The following RAPGEF1 variants were observed in gnomAD, a reference collection of about 807,000 sequenced individuals.
The protein encoded by RAPGEF1 is CRK SH3-binding GNRP.
In RAPGEF1, 33 loss-of-function variants were observed where a neutral mutation model predicts 143.3. That is an observed-to-expected ratio of 0.23 (90% CI 0.17 to 0.31). The LOEUF (loss-of-function observed/expected upper bound fraction) is 0.31. RAPGEF1 is among the 10% of genes least tolerant of loss of function. RAPGEF1 has a pLI of 1.00. For missense variants in RAPGEF1, 1,199 were observed against 1,645.4 expected (o/e 0.73, Z 4.69); for synonymous variants, 629 against 676.5 (o/e 0.93, Z 1.09).
At chr9:131,656,764 G>A (rs1972581088) in intron 1 of RAPGEF1, among the ~76,000 whole-genome samples, 1 of 152,212 alleles carries the variant, frequency 6.6e-6, no homozygotes, top group Non-Finnish European at 1.5e-5. Flanking sequence ...CAAGGGCAGG[G>A]ACCAACTAAG....
At chr9:131,696,342 G>A (rs1834177727) in intron 1 of RAPGEF1, among the ~76,000 whole-genome samples, 1 of 152,180 alleles carries the variant, frequency 6.6e-6, no homozygotes, top group African/African-American at 2.4e-5. Context: ...AGGGCCCAGA[G>A]CTAACAAAAG....
At chr9:131,631,645 C>G (rs923171625) in intron 5 of RAPGEF1, among the ~76,000 whole-genome samples, 2 of 152,236 alleles carry the variant, frequency 1.3e-5, no homozygotes, top group African/African-American at 4.8e-5. Context: ...ACCAGAGACC[C>G]TGAACCAGCG....
At chr9:131,644,013 G>A (rs1478050796) in intron 3 of RAPGEF1, among the ~76,000 whole-genome samples, 3 of 152,180 alleles carry the variant, frequency 2.0e-5, no homozygotes, top group African/African-American at 7.2e-5. Flanking sequence ...AGAAGGGGCA[G>A]GAAATCTGGG....
intron 3 of RAPGEF1, 30 bp from the exon 4 acceptor site, chr9:131,643,447 G>C (rs1233954113): frequency 1.3e-6 from 2 of 1,583,744 alleles, no homozygotes; most frequent in Non-Finnish European, 1.7e-6. Flanking sequence ...ATAAGGAGGA[G>C]GAGAGAGATT....
At chr9:131,620,714 G>A (rs1271249280) in intron 11 of RAPGEF1, among the ~76,000 whole-genome samples, 1 of 152,166 alleles carries the variant, frequency 6.6e-6, no homozygotes, top group Non-Finnish European at 1.5e-5. Context: ...AGCTTGCTTG[G>A]TTAGCCACAG....
At chr9:131,594,082 AAT>A (rs1234434813) in intron 17 of RAPGEF1, among the ~76,000 whole-genome samples, 1 of 152,020 alleles carries the variant, frequency 6.6e-6, no homozygotes. Context: ...ACCCGCAAGC[AAT>A]GTGGCGGGGT....
chr9:131,722,644 C>G (rs1836351096), intron 1 of RAPGEF1, among the ~76,000 whole-genome samples: 1 of 152,222 alleles, frequency 6.6e-6, no homozygotes, highest in Admixed American at 6.5e-5. Flanking sequence ...CCCAGTACAG[C>G]TGAAAGGCCC....
At chr9:131,586,814 A>C (rs1366127224) in intron 22 of RAPGEF1, among the ~76,000 whole-genome samples, 2 of 119,178 alleles carry the variant, frequency 1.7e-5, no homozygotes, top group Non-Finnish European at 3.6e-5. Flanking sequence ...ACACACACAC[A>C]CACCTGCAGA....
At chr9:131,685,664 C>T (rs1244096074) in intron 1 of RAPGEF1, among the ~76,000 whole-genome samples, 2 of 152,174 alleles carry the variant, frequency 1.3e-5, no homozygotes, top group Non-Finnish European at 2.9e-5. Context: ...TTAATAAACA[C>T]GTGGGTAAAT....
chr9:131,598,400 G>T, intron 15 of RAPGEF1, 90 bp from the exon 16 acceptor site: 1 of 1,067,750 alleles, frequency 9.4e-7, no homozygotes, highest in Non-Finnish European at 1.4e-6. Context: ...TGCACGGCTC[G>T]AAACCGCTCC....
chr9:131,664,994 T>C (rs1431025908), intron 1 of RAPGEF1, among the ~76,000 whole-genome samples: 1 of 152,174 alleles, frequency 6.6e-6, no homozygotes. Context: ...GAGCCTGAAT[T>C]TGGCAGTTCA....
chr9:131,702,770 C>T (rs1036060340), intron 1 of RAPGEF1, among the ~76,000 whole-genome samples: 1 of 152,026 alleles, frequency 6.6e-6, no homozygotes, highest in Non-Finnish European at 1.5e-5. Flanking sequence ...TGCTGCCTGA[C>T]CTGTAAAAAG....
At chr9:131,589,860 C>T (rs1356514211) in intron 19 of RAPGEF1, 26 bp downstream of exon 19, 2 of 1,603,236 alleles carry the variant, frequency 1.2e-6, no homozygotes, top group Non-Finnish European at 8.5e-7. Context: ...CACTGGCCCC[C>T]AGGACCCCAA....
In RAPGEF1 at chr9:131,583,959, G is replaced by A. The variant is rs1390341589; in HGVS notation, c.3414+352C>T. On this transcript the variant is annotated intron_variant, in intron 24 of 26. Transcript: ENST00000683357. The surrounding 1 kb of genome is among the most constrained non-coding windows in gnomAD (Gnocchi z 4.7). ...CATCATGTTGGGCTGTTCACAGTGC[G>A]TCCCCAGCACCTACCGCAGTGCCCG... is the stretch of plus-strand genomic sequence containing the variant. Among the ~76,000 whole-genome samples the A allele has an allele frequency of 3.3e-5, 5 of 152,212 alleles. No individual in the cohort carries two copies. The highest frequency in any genetic ancestry group is 1.2e-4 in the African/African-American group (5 of 41,454).
At chr9:131,656,778 A>T (rs1299047321) in intron 1 of RAPGEF1, among the ~76,000 whole-genome samples, 1 of 152,210 alleles carries the variant, frequency 6.6e-6, no homozygotes, top group Non-Finnish European at 1.5e-5. Context: ...AACTAAGGGC[A>T]CTTCTGCCTA....
chr9:131,607,210 T>C (rs954558554), intron 12 of RAPGEF1, among the ~76,000 whole-genome samples: 3 of 152,196 alleles, frequency 2.0e-5, no homozygotes, highest in Non-Finnish European at 2.9e-5. Context: ...GGAAGTGTCA[T>C]ACATGTGACC....
chr9:131,650,059 C>T lies in RAPGEF1; in HGVS notation c.315+70G>A, dbSNP rs1470626892. ...TAGTGCAATAGAGTTTTTTCCATCC[C>T]CAAAACCATGGACCAGGATTCTGCA... is the stretch of plus-strand genomic sequence containing the variant. On this transcript the variant is annotated intron_variant, in intron 3 of 26. Transcript: ENST00000683357. The surrounding 1 kb of genome is among the most constrained non-coding windows in gnomAD (Gnocchi z 4.7). 1 of 1,323,756 alleles carries T rather than the reference C, an allele frequency of 7.6e-7. No homozygotes were observed. Among genetic ancestry groups the T allele is most frequent in the Non-Finnish European group, 1.1e-6 (1 of 949,772 alleles). 82.0% of individuals were successfully genotyped at this position (1,323,756 alleles called of 1,614,324 possible). A position where few individuals can be genotyped will look rare whatever the true frequency, so the allele number is the denominator to read the frequency against.
chr9:131,661,235 G>A (rs1425504566), intron 1 of RAPGEF1, among the ~76,000 whole-genome samples: 4 of 152,208 alleles, frequency 2.6e-5, no homozygotes, highest in South Asian at 2.1e-4. Flanking sequence ...ACAGCAGGAC[G>A]GGTGAACCGT....
At chr9:131,592,072 G>C (rs534494833) in intron 18 of RAPGEF1, 27 bp downstream of exon 18, 1 of 1,553,762 alleles carries the variant, frequency 6.4e-7, no homozygotes, top group South Asian at 1.1e-5. Context: ...ATGGTGCAGG[G>C]GCCCTGGGTC....
Sources: allele counts gnomAD v4.1 joint callset (sites outside exome capture counted in the v4.1 genomes callset), GRCh38; gene constraint gnomAD v4.1.1; non-coding constraint Gnocchi (gnomAD v3.1); transcripts MANE v1.5; gene names NCBI Gene and HGNC (gene_info 2026-07-23, HGNC 2026-07-21).